The following UBE2G1 variants were observed in gnomAD, a reference collection of about 807,000 sequenced individuals.
The protein encoded by UBE2G1 is ubiquitin conjugating enzyme E2 G1, also known as ubiquitin-conjugating enzyme E2 G1.
UBE2G1 carries 5 observed loss-of-function variants against 22.7 expected under a neutral mutation model. The observed-to-expected ratio is 0.22, with a 90% CI of 0.12 to 0.46. The LOEUF (loss-of-function observed/expected upper bound fraction) is 0.46, where lower values mean the gene tolerates loss of function less well. UBE2G1 is among the 20% of genes least tolerant of loss of function. UBE2G1 has a pLI of 0.99. For synonymous variants in UBE2G1, 74 were observed against 67.5 expected (o/e 1.10, Z -0.47); for missense variants, 88 against 203.9 (o/e 0.43, Z 3.46).
chr17:4,291,351 T>G (rs35451246), intron 3 of UBE2G1, among the ~76,000 whole-genome samples: 44,958 of 109,552 alleles, frequency 0.41, 7,213 homozygotes, highest in Middle Eastern at 0.55. Flanking sequence ...CGGGCGAAAC[T>G]CCATCTCAAA....
Position 4,336,669 on chromosome 17 carries a change from G to A in UBE2G1, c.47-29546C>T, listed in dbSNP as rs1969652109. On this transcript the variant is annotated intron_variant, in intron 1 of 5. Transcript: ENST00000396981. ...AGCCTCCAAAGTAGCTGGGATTACA[G>A]GCATGCACCACCACACCCAGCTAAT... Among the ~76,000 whole-genome samples, 8 of 152,124 alleles carry A rather than the reference G, an allele frequency of 5.3e-5. No homozygotes were observed. The South Asian group carries it at 1.5e-3, about 28-fold the overall frequency.
At chr17:4,347,090 T>G (rs1435750446) in intron 1 of UBE2G1, among the ~76,000 whole-genome samples, 2 of 151,706 alleles carry the variant, frequency 1.3e-5, no homozygotes, top group Non-Finnish European at 2.9e-5. Flanking sequence ...GAGGCGGAGG[T>G]TGCAGTGAGC....
At chr17:4,338,166 T>C (rs926124008) in intron 1 of UBE2G1, among the ~76,000 whole-genome samples, 2 of 141,388 alleles carry the variant, frequency 1.4e-5, no homozygotes, top group South Asian at 2.1e-4. Context: ...CGAGACTCCA[T>C]CTCAAAAAAA....
At position 4,337,335 on chromosome 17, in the gene UBE2G1, A is replaced by G. The variant is rs1477390706; in HGVS notation, c.46+28936T>C. On this transcript the variant is annotated intron_variant, in intron 1 of 5. Transcript: ENST00000396981. The stretch of plus-strand genomic sequence containing the variant: ...TAATCTGTGTAAAAAAAAAAAAAAG[A>G]AAAGAAAAGAAAGAAAGAAAGAAAA... Among the ~76,000 whole-genome samples, 73 of 61,260 alleles carry G rather than the reference A, an allele frequency of 1.2e-3. 2 individuals are homozygous for G. The highest frequency in any genetic ancestry group is 2.9e-3 in the Admixed American group (17 of 5,912). The allele number at this position is 61,260 out of a possible 152,430, so 40.2% of individuals were successfully genotyped here. A position where few individuals can be genotyped will look rare whatever the true frequency, so the allele number is the denominator to read the frequency against.
rs116546608 is a variant in UBE2G1 at position 4,366,357 on chromosome 17, A to C, written c.-41T>G. The C allele has an allele frequency of 2.3e-3, 3,461 of 1,510,462 alleles. 79 individuals are homozygous for C. The African/African-American group carries it at 0.045, about 20-fold the overall frequency. 93.6% of individuals were successfully genotyped at this position (1,510,462 alleles called of 1,614,324 possible). A position where few individuals can be genotyped will look rare whatever the true frequency, so the allele number is the denominator to read the frequency against. On this transcript the variant is annotated 5_prime_UTR_variant, in exon 1 of 6. Transcript: ENST00000396981. ...CCCGGGCTGGCGCCGGGGCTTCCGAAGGGCTGGGGACAGGCTCTGGGGGCG... is the reference window on the plus strand; with the variant it reads ...CCCGGGCTGGCGCCGGGGCTTCCGACGGGCTGGGGACAGGCTCTGGGGGCG...
intron 5 of UBE2G1, among the ~76,000 whole-genome samples, chr17:4,274,229 GCT>G (rs1238012326): frequency 4.7e-4 from 57 of 120,804 alleles, no homozygotes; most frequent in Admixed American, 1.4e-3. Flanking sequence ...ACAGAGTCTT[GCT>G]CTGTCGCCCA....
chr17:4,292,564 C>T (rs1014366822), intron 3 of UBE2G1, among the ~76,000 whole-genome samples: 1 of 152,178 alleles, frequency 6.6e-6, no homozygotes, highest in Non-Finnish European at 1.5e-5. Flanking sequence ...ATTTATTCTC[C>T]TGGGTACTTT....
chr17:4,309,141 T>C (rs1363199337), intron 1 of UBE2G1, among the ~76,000 whole-genome samples: 1 of 152,108 alleles, frequency 6.6e-6, no homozygotes, highest in Non-Finnish European at 1.5e-5. Context: ...ACATCTGTAA[T>C]CCCAGCTACT....
chr17:4,306,172 C>T (rs767358317), intron 2 of UBE2G1, among the ~76,000 whole-genome samples: 1 of 152,120 alleles, frequency 6.6e-6, no homozygotes, highest in Non-Finnish European at 1.5e-5. Flanking sequence ...AAGTAGAGAA[C>T]CATGAAAAGA....
At chr17:4,300,283 C>A (rs1332973424) in intron 2 of UBE2G1, among the ~76,000 whole-genome samples, 1 of 152,184 alleles carries the variant, frequency 6.6e-6, no homozygotes, top group Non-Finnish European at 1.5e-5. Context: ...TGGCTCACGC[C>A]TGTAATCCCA....
At chr17:4,365,563 C>G (rs1970023643) in intron 1 of UBE2G1, among the ~76,000 whole-genome samples, 1 of 152,084 alleles carries the variant, frequency 6.6e-6, no homozygotes, top group Non-Finnish European at 1.5e-5. Context: ...GCGGCGAGCA[C>G]AAAGCCCGGA....
At chr17:4,277,136 T>C (rs866071293) in intron 5 of UBE2G1, among the ~76,000 whole-genome samples, 5 of 152,290 alleles carry the variant, frequency 3.3e-5, no homozygotes, top group Middle Eastern at 6.8e-3. Context: ...ATGTTGTGAA[T>C]TGACTTATGG....
chr17:4,306,877 C>G, intron 2 of UBE2G1, 144 bp downstream of exon 2: 1 of 575,654 alleles, frequency 1.7e-6, no homozygotes, highest in East Asian at 3.6e-5. Context: ...GTCTCGAACT[C>G]CTGACCTCAT....
chr17:4,303,110 G>A (rs1203667312), intron 2 of UBE2G1, among the ~76,000 whole-genome samples: 4 of 152,132 alleles, frequency 2.6e-5, no homozygotes, highest in Admixed American at 2.6e-4. Flanking sequence ...TTCCTGGTAG[G>A]GGCATAATGC....
intron 2 of UBE2G1, among the ~76,000 whole-genome samples, chr17:4,300,127 T>A (rs915605744): frequency 5.3e-5 from 8 of 151,466 alleles, no homozygotes; most frequent in Non-Finnish European, 7.4e-5. Context: ...ACCCAACTTG[T>A]GCGTGCAAAC....
chr17:4,289,156 C>G, intron 4 of UBE2G1, 74 bp downstream of exon 4: 2 of 1,352,142 alleles, frequency 1.5e-6, no homozygotes, highest in Non-Finnish European at 2.0e-6. Context: ...TGCATACTTA[C>G]ATACATACTA....
At chr17:4,362,457 C>CTATA (rs1969980310) in intron 1 of UBE2G1, among the ~76,000 whole-genome samples, 1 of 152,094 alleles carries the variant, frequency 6.6e-6, no homozygotes, top group Non-Finnish European at 1.5e-5. Context: ...AACATTCTAT[C>CTATA]TATAATGCAC....
intron 1 of UBE2G1, among the ~76,000 whole-genome samples, chr17:4,319,333 G>T (rs541495969): frequency 6.6e-6 from 1 of 152,170 alleles, no homozygotes; most frequent in Non-Finnish European, 1.5e-5. Context: ...GTATAGGTGG[G>T]TGGGTGGAAC....
chr17:4,360,400 C>G (rs989826309), intron 1 of UBE2G1, among the ~76,000 whole-genome samples: 5 of 152,102 alleles, frequency 3.3e-5, no homozygotes, highest in Admixed American at 2.0e-4. Flanking sequence ...TACTGAAGTA[C>G]CCAAGACCAA....
Sources: gnomAD v4.1 joint callset for allele counts (sites outside exome capture counted in the v4.1 genomes callset) on GRCh38, gnomAD v4.1.1 for gene constraint, MANE v1.5 for transcripts, NCBI Gene and HGNC (gene_info 2026-07-23, HGNC 2026-07-21) for gene names.